PTPRN2: variants seen among roughly 807,000 people sequenced by gnomAD.
The protein encoded by PTPRN2 is receptor-type tyrosine-protein phosphatase N2.
A neutral mutation model predicts 118.8 loss-of-function variants in PTPRN2; 74 were observed. That is an observed-to-expected ratio of 0.62 (90% CI 0.52 to 0.76). The LOEUF (loss-of-function observed/expected upper bound fraction) is 0.76, where lower values mean the gene tolerates loss of function less well. PTPRN2 is among the 30% of genes least tolerant of loss of function. PTPRN2 has a pLI of 0.00. For missense variants in PTPRN2, 1,481 were observed against 1,394.4 expected (o/e 1.06, Z -0.99); for synonymous variants, 641 against 608.0 (o/e 1.05, Z -0.80).
rs1262973358 is a variant in PTPRN2 at position 157,669,439 on chromosome 7, A to ACC, written c.2002-12890_2002-12889dup. 14 of 455,364 alleles carry ACC rather than the reference A, an allele frequency of 3.1e-5. No individual in the cohort carries two copies. In the East Asian group the frequency reaches 4.9e-4, roughly 16 times the overall value. The allele number at this position is 455,364 out of a possible 1,614,324, so 28.2% of individuals were successfully genotyped here. On this transcript the variant is annotated intron_variant, in intron 13 of 22. Coordinates refer to ENST00000389418, the MANE Select transcript of PTPRN2 (RefSeq NM_002847.5). Reference sequence around the variant, plus strand: ...TGTTTGCACGCGCACACACACACACACCCAGGGGAGGATGCCCCTGACAGC... The same window carrying ACC: ...TGTTTGCACGCGCACACACACACACACCCCCAGGGGAGGATGCCCCTGACAGC...
In PTPRN2 at chr7:158,093,420, C is replaced by A. The variant is rs987761594; in HGVS notation, c.1644-12043G>T. ...TTTCCTGACTCTGTCGCTGGACCGACCCCCACACTGTTTGTGCTTTTACTC... is the reference window on the plus strand; with the variant it reads ...TTTCCTGACTCTGTCGCTGGACCGAACCCCACACTGTTTGTGCTTTTACTC... On this transcript the variant is annotated intron_variant, in intron 10 of 22. Coordinates refer to ENST00000389418, the MANE Select transcript of PTPRN2 (RefSeq NM_002847.5). The surrounding 1 kb of genome is among the most constrained non-coding windows in gnomAD (Gnocchi z 4.4). Among the ~76,000 whole-genome samples, 1 of 152,184 alleles carries A rather than the reference C, an allele frequency of 6.6e-6. No homozygotes were observed. Among genetic ancestry groups the A allele is most frequent in the Admixed American group, 6.5e-5 (1 of 15,282 alleles).
intron 3 of PTPRN2, among the ~76,000 whole-genome samples, chr7:158,264,533 G>C (rs1048566446): frequency 1.3e-5 from 2 of 152,146 alleles, no homozygotes; most frequent in African/African-American, 4.8e-5. Context: ...CATGTGCATG[G>C]GTACCTGCAG....
chr7:158,288,040 AC>A (rs1277611498), intron 3 of PTPRN2, among the ~76,000 whole-genome samples: 1 of 152,068 alleles, frequency 6.6e-6, no homozygotes, highest in African/African-American at 2.4e-5. Flanking sequence ...TGATGAATTG[AC>A]CCCTTTATCA....
intron 14 of PTPRN2, among the ~76,000 whole-genome samples, chr7:157,624,417 G>A (rs1234419490): frequency 3.3e-5 from 5 of 150,202 alleles, no homozygotes; most frequent in Admixed American, 6.6e-5. Flanking sequence ...GTGAAACTCC[G>A]TCTCAAAAAA....
At chr7:157,744,198 C>T (rs372715145) in intron 12 of PTPRN2, among the ~76,000 whole-genome samples, 8 of 152,084 alleles carry the variant, frequency 5.3e-5, no homozygotes, top group East Asian at 1.9e-4. Flanking sequence ...CAAGCGGGCG[C>T]GAGGTGGTCC....
chr7:157,578,850 C>G (rs1266519453), intron 17 of PTPRN2, among the ~76,000 whole-genome samples: 4 of 152,240 alleles, frequency 2.6e-5, no homozygotes, highest in Non-Finnish European at 4.4e-5. Flanking sequence ...CCTAACTACC[C>G]AAAACCACTA....
intron 2 of PTPRN2, among the ~76,000 whole-genome samples, chr7:158,423,743 T>G (rs575861072): frequency 7.8e-6 from 1 of 128,654 alleles, no homozygotes; most frequent in South Asian, 2.7e-4. Flanking sequence ...ACTCCTGACC[T>G]CAAGTGTTCC....
At position 158,485,653 on chromosome 7, in the gene PTPRN2, C is replaced by A. The variant is rs1820962004; in HGVS notation, c.163+4082G>T. 1.3e-5 allele frequency among the ~76,000 whole-genome samples: 2 copies of A among 151,544 alleles called. 1 individual carries two copies. Among genetic ancestry groups the A allele is most frequent in the South Asian group, 4.2e-4 (2 of 4,736 alleles). On this transcript the variant is annotated intron_variant, in intron 2 of 22. Coordinates refer to ENST00000389418, the MANE Select transcript of PTPRN2 (RefSeq NM_002847.5). ...CCTCTCTGCACCCCTCCTGCACAGG[C>A]CTCTCCTCCTTTCTGAGCTCAAAGG... is the stretch of plus-strand genomic sequence containing the variant.
chr7:158,192,637 A>G, intron 4 of PTPRN2, 142 bp from the exon 5 acceptor site: 3 of 962,998 alleles, frequency 3.1e-6, no homozygotes, highest in Admixed American at 3.6e-5. Context: ...CTCCATGACC[A>G]TGGGTTTGAA....
intron 12 of PTPRN2, among the ~76,000 whole-genome samples, chr7:157,783,795 G>A (rs1803834120): frequency 1.3e-5 from 2 of 151,946 alleles, no homozygotes; most frequent in South Asian, 4.2e-4. Context: ...ACTTTTGAGT[G>A]ATTTCCTCCG....
intron 5 of PTPRN2, among the ~76,000 whole-genome samples, chr7:158,188,715 G>GGGGGAAGGCCGCCACGCTCGCCCCCTGAT (rs1825498725): frequency 7.9e-6 from 1 of 126,398 alleles, no homozygotes; most frequent in Non-Finnish European, 1.7e-5. Flanking sequence ...GCCCCCTGTA[G>GGGGGAAGGCCGCCACGCTCGCCCCCTGAT]GGGGAAGGCC....
At position 157,811,332 on chromosome 7, in the gene PTPRN2, T is replaced by TTATATATATATATATATA. The variant is rs71189737; in HGVS notation, c.1788+87323_1788+87340dup. 7.8e-3 allele frequency among the ~76,000 whole-genome samples: 1,018 copies of TTATATATATATATATATA among 131,050 alleles called. 6 individuals are homozygous for TTATATATATATATATATA. Among genetic ancestry groups the TTATATATATATATATATA allele is most frequent in the Middle Eastern group, 0.013 (3 of 240 alleles). The allele number at this position is 131,050 out of a possible 152,430, so 86.0% of individuals were successfully genotyped here. On this transcript the variant is annotated intron_variant, in intron 12 of 22. Transcript: ENST00000389418. ...TCATGGATTTTTGTAATCTACTCTA[T>TTATATATATATATATATA]TATATATATATATATATATATATAT...
At chr7:158,098,840 G>A (rs983911046) in intron 10 of PTPRN2, among the ~76,000 whole-genome samples, 1 of 152,006 alleles carries the variant, frequency 6.6e-6, no homozygotes, top group Non-Finnish European at 1.5e-5. Context: ...AGTGGGGGAC[G>A]GGGAACGGGG....
At chr7:157,959,374 T>C (rs1172611357) in intron 11 of PTPRN2, among the ~76,000 whole-genome samples, 1 of 152,238 alleles carries the variant, frequency 6.6e-6, no homozygotes, top group Non-Finnish European at 1.5e-5. Context: ...TATTGCACTT[T>C]ATCAAAATTA....
At chr7:158,062,897 G>A (rs549317556) in intron 11 of PTPRN2, among the ~76,000 whole-genome samples, 12 of 152,288 alleles carry the variant, frequency 7.9e-5, no homozygotes, top group South Asian at 4.1e-4. Flanking sequence ...CCCGACAAGC[G>A]CCGCCCCCTG....
intron 3 of PTPRN2, among the ~76,000 whole-genome samples, chr7:158,286,998 C>G (rs980786570): frequency 9.2e-5 from 14 of 152,054 alleles, no homozygotes; most frequent in Non-Finnish European, 1.8e-4. Flanking sequence ...TTATGGGAGA[C>G]TTTTTATTAC....
chr7:158,343,183 A>C (rs1029355003), intron 2 of PTPRN2, among the ~76,000 whole-genome samples: 3 of 152,198 alleles, frequency 2.0e-5, no homozygotes, highest in African/African-American at 7.2e-5. Context: ...TATCCAAAAT[A>C]CATAAAGAAC....
intron 4 of PTPRN2, among the ~76,000 whole-genome samples, chr7:158,199,315 A>T (rs987767720): frequency 2.0e-5 from 3 of 152,036 alleles, no homozygotes; most frequent in African/African-American, 7.2e-5. Context: ...TCTGTTCCTC[A>T]CACTGGGCAC....
At chr7:157,826,911 T>C (rs1807213021) in intron 12 of PTPRN2, among the ~76,000 whole-genome samples, 1 of 152,100 alleles carries the variant, frequency 6.6e-6, no homozygotes, top group Non-Finnish European at 1.5e-5. Flanking sequence ...GGAGCACGAC[T>C]TATCCCACAG....
Sources: gnomAD v4.1 joint callset for allele counts (sites outside exome capture counted in the v4.1 genomes callset) on GRCh38, gnomAD v4.1.1 for gene constraint, Gnocchi (gnomAD v3.1) non-coding constraint, MANE v1.5 for transcripts, NCBI Gene and HGNC (gene_info 2026-07-23, HGNC 2026-07-21) for gene names.